FRMD4B: variants seen among roughly 807,000 people sequenced by gnomAD.
FRMD4B encodes the protein FERM domain-containing protein 4B.
In FRMD4B, 74 loss-of-function variants were observed where a neutral mutation model predicts 141.5. The ratio of observed to expected loss-of-function variants is 0.52; its 90% CI spans 0.43 to 0.63. The LOEUF is 0.63. FRMD4B is among the 30% of genes least tolerant of loss of function. The pLI is 0.00. For missense variants in FRMD4B, 1,366 were observed against 1,253.4 expected (o/e 1.09, Z -1.36); for synonymous variants, 506 against 467.9 (o/e 1.08, Z -1.05).
At chr3:69,481,654 G>A (rs1706127013) in intron 1 of FRMD4B, among the ~76,000 whole-genome samples, 1 of 152,082 alleles carries the variant, frequency 6.6e-6, no homozygotes. Context: ...CTGGCTCACT[G>A]ACTTTTCCTA....
At chr3:69,349,740 A>T (rs1194315776) in intron 1 of FRMD4B, among the ~76,000 whole-genome samples, 1 of 152,228 alleles carries the variant, frequency 6.6e-6, no homozygotes, top group African/African-American at 2.4e-5. Flanking sequence ...TCCCTATTTA[A>T]TAAATGGTGC....
chr3:69,514,910 C>T (rs1210159527), intron 1 of FRMD4B, among the ~76,000 whole-genome samples: 1 of 151,948 alleles, frequency 6.6e-6, no homozygotes, highest in East Asian at 1.9e-4. Context: ...AGCCAAAATA[C>T]TTTTGAAAAA....
chr3:69,401,916 T>C (rs1005167337), intron 2 of FRMD4B, among the ~76,000 whole-genome samples: 3 of 152,178 alleles, frequency 2.0e-5, no homozygotes, highest in African/African-American at 7.2e-5. Flanking sequence ...CACTGTAATC[T>C]ATACAGACTT....
At chr3:69,212,978 T>A (rs2093101146) in intron 11 of FRMD4B, among the ~76,000 whole-genome samples, 1 of 141,908 alleles carries the variant, frequency 7.0e-6, no homozygotes, top group Non-Finnish European at 1.5e-5. Context: ...TTTGACTGGG[T>A]TTTTTTATTA....
chr3:69,423,210 A>C (rs1409246818), intron 2 of FRMD4B, among the ~76,000 whole-genome samples: 11 of 152,176 alleles, frequency 7.2e-5, no homozygotes, highest in African/African-American at 2.7e-4. Context: ...GTGCAGTGGC[A>C]CAATCATAGC....
At chr3:69,318,461 G>T (rs565336382) in intron 1 of FRMD4B, among the ~76,000 whole-genome samples, 5 of 152,180 alleles carry the variant, frequency 3.3e-5, no homozygotes, top group Non-Finnish European at 7.3e-5. Context: ...GCTGACATCT[G>T]GGGAGGGGGC....
intron 2 of FRMD4B, among the ~76,000 whole-genome samples, chr3:69,415,709 C>A (rs1262361858): frequency 2.6e-5 from 4 of 152,242 alleles, no homozygotes; most frequent in South Asian, 4.1e-4. Flanking sequence ...CTTTAGTCTG[C>A]AATTATGCAT....
Position 69,285,238 on chromosome 3 carries a change from G to A in FRMD4B, c.501+2514C>T, listed in dbSNP as rs573751390. Among the ~76,000 whole-genome samples the A allele has an allele frequency of 1.2e-4, 15 of 123,274 alleles. No homozygotes were observed. The South Asian group carries it at 4.1e-3, about 34-fold the overall frequency. 80.9% of individuals were successfully genotyped at this position (123,274 alleles called of 152,430 possible). The stretch of plus-strand genomic sequence containing the variant: ...AATGGGATTAATGGCAGATTAGATT[G>A]CAAAAAACAGATGAGGGAAACTGAA... On this transcript the variant is annotated intron_variant, in intron 5 of 22. Transcript: ENST00000398540.
At chr3:69,361,860 A>G (rs1703480104) in intron 1 of FRMD4B, among the ~76,000 whole-genome samples, 1 of 152,158 alleles carries the variant, frequency 6.6e-6, no homozygotes, top group African/African-American at 2.4e-5. Context: ...ATATGTTTTC[A>G]TTTCTCTTGA....
At chr3:69,367,513 AC>A (rs1462194865) in intron 1 of FRMD4B, among the ~76,000 whole-genome samples, 4 of 30,262 alleles carry the variant, frequency 1.3e-4, no homozygotes, top group African/African-American at 2.4e-4. Flanking sequence ...TTTTGTTTTT[AC>A]CCAAAAAATA....
In FRMD4B at chr3:69,380,741, C is replaced by T. The variant is rs142504668; in HGVS notation, c.162+5087G>A. Among the ~76,000 whole-genome samples, 5 of 152,276 alleles carry T rather than the reference C, an allele frequency of 3.3e-5. No homozygotes were observed. The East Asian group carries it at 7.7e-4, about 24-fold the overall frequency. On this transcript the variant is annotated intron_variant, in intron 1 of 22. Coordinates refer to ENST00000398540, the MANE Select transcript of FRMD4B (RefSeq NM_015123.3). The stretch of plus-strand genomic sequence containing the variant: ...CCTCTTATTGGTCACTTAAATATCC[C>T]GGAGTCTGTGCAAGTTGCCTCCTGT...
At position 69,441,912 on chromosome 3, in the gene FRMD4B, A is replaced by G. The variant is rs144400550; in HGVS notation, c.-128-9151T>C. Among the ~76,000 whole-genome samples the G allele has an allele frequency of 1.2e-4, 18 of 152,330 alleles. No homozygotes were observed. In the East Asian group the frequency reaches 3.3e-3, roughly 28 times the overall value. On this transcript the variant is annotated intron_variant, in intron 1 of 5. Coordinates refer to the FRMD4B transcript ENST00000459638. Reference sequence around the variant, plus strand: ...GATTCCAAACACATTTATGTTCTGCATTCCAGGTTTCCAAGTGGCTTAGAA... The same window carrying G: ...GATTCCAAACACATTTATGTTCTGCGTTCCAGGTTTCCAAGTGGCTTAGAA...
intron 1 of FRMD4B, among the ~76,000 whole-genome samples, chr3:69,355,940 G>T (rs993789014): frequency 6.6e-6 from 1 of 152,130 alleles, no homozygotes; most frequent in Non-Finnish European, 1.5e-5. Flanking sequence ...CAGGAGAATT[G>T]CTTCAACCTG....
At chr3:69,331,302 G>T (rs899277165) in intron 1 of FRMD4B, among the ~76,000 whole-genome samples, 1 of 152,164 alleles carries the variant, frequency 6.6e-6, no homozygotes, top group African/African-American at 2.4e-5. Context: ...TAGGCAGAGG[G>T]ATAATACTGG....
At chr3:69,533,435 T>C (rs1244893040) in intron 1 of FRMD4B, among the ~76,000 whole-genome samples, 1 of 152,154 alleles carries the variant, frequency 6.6e-6, no homozygotes, top group Non-Finnish European at 1.5e-5. Flanking sequence ...CTGCAGAATG[T>C]GGGTTATTGT....
intron 1 of FRMD4B, among the ~76,000 whole-genome samples, chr3:69,436,910 T>C (rs908062223): frequency 1.3e-5 from 2 of 152,158 alleles, no homozygotes; most frequent in African/African-American, 4.8e-5. Context: ...AGTTGAATAG[T>C]AATTATTATC....
chr3:69,188,724 T>C (rs903089310), intron 18 of FRMD4B, among the ~76,000 whole-genome samples: 1 of 132,424 alleles, frequency 7.6e-6, no homozygotes, highest in African/African-American at 3.0e-5. Flanking sequence ...GCCACTGCAG[T>C]CCGCAGTCCG....
chr3:69,346,589 G>A (rs1020830357), intron 1 of FRMD4B, among the ~76,000 whole-genome samples: 49 of 152,190 alleles, frequency 3.2e-4, no homozygotes, highest in African/African-American at 1.0e-3. Context: ...GAGAAAGGTT[G>A]GGTTACCCAC....
intron 1 of FRMD4B, among the ~76,000 whole-genome samples, chr3:69,353,268 G>T (rs1703210363): frequency 6.6e-6 from 1 of 152,174 alleles, no homozygotes; most frequent in South Asian, 2.1e-4. Context: ...CCCTCCAGAC[G>T]ATGGGCGTCT....
Sources: gnomAD v4.1 joint callset for allele counts (sites outside exome capture counted in the v4.1 genomes callset) on GRCh38, gnomAD v4.1.1 for gene constraint, MANE v1.5 for transcripts, NCBI Gene and HGNC (gene_info 2026-07-23, HGNC 2026-07-21) for gene names.